THOC7: variants seen among roughly 807,000 people sequenced by gnomAD.
THOC7 encodes NIF3L1-binding protein 1.
A neutral mutation model predicts 33.1 loss-of-function variants in THOC7; 22 were observed. That is an observed-to-expected ratio of 0.66 (90% CI 0.47 to 0.95). The LOEUF (loss-of-function observed/expected upper bound fraction) is 0.95, where lower values mean the gene tolerates loss of function less well. Among genes scored for constraint, THOC7 ranks in the 40% least tolerant of loss-of-function variants. THOC7 has a pLI of 0.00. For synonymous variants in THOC7, 77 were observed against 76.8 expected (o/e 1.00, Z -0.01); for missense variants, 184 against 245.3 (o/e 0.75, Z 1.67).
intron 1 of THOC7, among the ~76,000 whole-genome samples, chr3:63,849,244 C>T (rs577982422): frequency 2.6e-5 from 4 of 152,162 alleles, no homozygotes; most frequent in South Asian, 2.1e-4. Context: ...ATAAATTGGC[C>T]GAGTGTGGTG....
At chr3:63,863,524 C>A in intron 1 of THOC7, 1 of 1,192,190 alleles carries the variant, frequency 8.4e-7, no homozygotes, top group Non-Finnish European at 1.0e-6. Context: ...CGCGCTGCCT[C>A]CGGGAGAGCG....
intron 4 of THOC7, among the ~76,000 whole-genome samples, chr3:63,836,632 A>G (rs1373535281): frequency 6.6e-6 from 1 of 152,006 alleles, no homozygotes; most frequent in African/African-American, 2.4e-5. Context: ...AGCATAAGCA[A>G]ATTTAAGTTA....
At chr3:63,851,796 C>T (rs1575812936) in intron 1 of THOC7, among the ~76,000 whole-genome samples, 1 of 152,206 alleles carries the variant, frequency 6.6e-6, no homozygotes, top group Non-Finnish European at 1.5e-5. Flanking sequence ...CCAGCCTCTG[C>T]TCCTCGGCTT....
At chr3:63,859,789 T>C (rs978381614) in intron 1 of THOC7, among the ~76,000 whole-genome samples, 1 of 152,178 alleles carries the variant, frequency 6.6e-6, no homozygotes, top group Non-Finnish European at 1.5e-5. Flanking sequence ...CACATACCAC[T>C]CATTTCAGCT....
chr3:63,838,320 C>T, intron 3 of THOC7, 52 bp downstream of exon 3: 2 of 1,271,856 alleles, frequency 1.6e-6, no homozygotes, highest in African/African-American at 1.5e-5. Context: ...GGTATTGTTT[C>T]CTTTAGACCA....
chr3:63,854,003 T>C (rs1034615387), intron 1 of THOC7, among the ~76,000 whole-genome samples: 2 of 152,212 alleles, frequency 1.3e-5, no homozygotes, highest in Non-Finnish European at 2.9e-5. Flanking sequence ...TCTATGTAGA[T>C]ACATATTAGG....
chr3:63,842,559 G>A (rs1012385300), intron 1 of THOC7, among the ~76,000 whole-genome samples: 4 of 152,154 alleles, frequency 2.6e-5, no homozygotes, highest in African/African-American at 9.7e-5. Flanking sequence ...CAACCTGGAT[G>A]GAGCTGGAGG....
chr3:63,839,225 G>A lies in THOC7; in HGVS notation c.137+431C>T, dbSNP rs924847624. Among the ~76,000 whole-genome samples the A allele has an allele frequency of 3.3e-5, 5 of 152,100 alleles. No individual in the cohort carries two copies. In the East Asian group the frequency reaches 9.6e-4, roughly 29 times the overall value. Reference sequence around the variant, plus strand: ...AGATTAGATATACGTGTGTGCGTGTGTATCAGGTTGGTACAAAAGTAATCG... The same window carrying A: ...AGATTAGATATACGTGTGTGCGTGTATATCAGGTTGGTACAAAAGTAATCG... On this transcript the variant is annotated intron_variant, in intron 2 of 7. Transcript: ENST00000295899.
intron 1 of THOC7, among the ~76,000 whole-genome samples, chr3:63,862,403 T>A (rs561968136): frequency 6.6e-6 from 1 of 152,214 alleles, no homozygotes; most frequent in South Asian, 2.1e-4. Context: ...GTGGTAATAT[T>A]TGTCACTCTT....
intron 1 of THOC7, chr3:63,863,462 C>T: frequency 8.7e-7 from 1 of 1,153,344 alleles, no homozygotes; most frequent in Admixed American, 4.8e-5. Context: ...GTCTCGGCCA[C>T]CCACGTGTGT....
chr3:63,834,098 C>T lies in THOC7; in HGVS notation c.*34G>A. 6.2e-7 allele frequency: 1 copy of T among 1,609,734 alleles called. No individual in the cohort carries two copies. Among genetic ancestry groups the T allele is most frequent in the Non-Finnish European group, 8.5e-7 (1 of 1,176,724 alleles). ...ACACATTATGGTCATGTAGCTATTT[C>T]AATATTCCTGGGAGTGGTGGGCAAT... On this transcript the variant is annotated 3_prime_UTR_variant, in exon 8 of 8. Transcript: ENST00000295899.
chr3:63,863,773 G>A lies in THOC7; in HGVS notation c.18C>T (p.Asp6=), dbSNP rs1213290117. The change falls in exon 1 of 8, where the codon GAC becomes GAT. Residue 6 remains aspartate (D), a splice_region_variant and synonymous_variant. Coordinates refer to ENST00000295899, the MANE Select transcript of THOC7 (RefSeq NM_025075.4). ...GTGTGGCGGCGAGCGGGGCCTCACCGTCAGTCACGGCTCCCATGGCGTGCG... is the reference window on the plus strand; with the variant it reads ...GTGTGGCGGCGAGCGGGGCCTCACCATCAGTCACGGCTCCCATGGCGTGCG... MGAVT[D]DEVIRKRLLI... 27 of 1,252,212 alleles carry A rather than the reference G, an allele frequency of 2.2e-5. No individual in the cohort carries two copies. The highest frequency in any genetic ancestry group is 2.7e-5 in the Non-Finnish European group (27 of 1,006,128). 77.6% of individuals were successfully genotyped at this position (1,252,212 alleles called of 1,614,324 possible). A position where few individuals can be genotyped will look rare whatever the true frequency, so the allele number is the denominator to read the frequency against.
intron 1 of THOC7, among the ~76,000 whole-genome samples, chr3:63,849,037 CAG>C (rs1248623983): frequency 6.6e-6 from 1 of 152,170 alleles, no homozygotes; most frequent in Admixed American, 6.5e-5. Flanking sequence ...CAATTGGAAA[CAG>C]TGGTTATATT....
chr3:63,835,424 A>C, intron 5 of THOC7, 34 bp from the exon 6 acceptor site: 1 of 1,598,334 alleles, frequency 6.3e-7, no homozygotes, highest in Non-Finnish European at 8.6e-7. Context: ...CATTTTGCTG[A>C]ATGGGGGAGA....
intron 1 of THOC7, among the ~76,000 whole-genome samples, chr3:63,862,852 C>A (rs1224235636): frequency 6.6e-6 from 1 of 152,156 alleles, no homozygotes; most frequent in Non-Finnish European, 1.5e-5. Context: ...AGTTGCCAAT[C>A]ATGCCCCTTC....
Position 63,863,770 on chromosome 3 carries a change from A to G in THOC7, c.19+2T>C. 1 of 1,251,482 alleles carries G rather than the reference A, an allele frequency of 8.0e-7. No individual in the cohort carries two copies. Among genetic ancestry groups the G allele is most frequent in the Non-Finnish European group, 9.9e-7 (1 of 1,005,524 alleles). 77.5% of individuals were successfully genotyped at this position (1,251,482 alleles called of 1,614,324 possible). A position where few individuals can be genotyped will look rare whatever the true frequency, so the allele number is the denominator to read the frequency against. ...CGCGTGTGGCGGCGAGCGGGGCCTC[A>G]CCGTCAGTCACGGCTCCCATGGCGT... is the stretch of plus-strand genomic sequence containing the variant. On this transcript the variant is annotated splice_donor_variant, in intron 1 of 7. Coordinates refer to ENST00000295899, the MANE Select transcript of THOC7 (RefSeq NM_025075.4). LOFTEE classifies it high-confidence loss of function.
Position 63,838,028 on chromosome 3 carries a change from A to G in THOC7, c.300T>C (p.Ala100=). The G allele has an allele frequency of 1.2e-6, 2 of 1,609,740 alleles. No individual in the cohort carries two copies. The highest frequency in any genetic ancestry group is 1.3e-5 in the African/African-American group (1 of 74,804). ...CTTGAAGAATTTGCTTTTTGCACTC[A>G]GCAATTTTTTCATGTGCTCCAGCTA... ...CSIAGAHEKI[A]ECKKQILQAK... Residue 100 remains alanine (A), a synonymous_variant, in exon 4 of 8, where the codon GCT becomes GCC. Coordinates refer to ENST00000295899, the MANE Select transcript of THOC7 (RefSeq NM_025075.4).
At chr3:63,860,292 G>A (rs1702184980) in intron 1 of THOC7, among the ~76,000 whole-genome samples, 1 of 152,154 alleles carries the variant, frequency 6.6e-6, no homozygotes, top group Non-Finnish European at 1.5e-5. Flanking sequence ...TGATCCTCCT[G>A]CCTTAGCATC....
rs371275122 is a variant in THOC7 at position 63,834,919 on chromosome 3, A to G, written c.547+235T>C. Among the ~76,000 whole-genome samples, 130 of 152,248 alleles carry G rather than the reference A, an allele frequency of 8.5e-4. 2 individuals carry two copies. In the South Asian group the frequency reaches 0.024, roughly 29 times the overall value. On this transcript the variant is annotated intron_variant, in intron 7 of 7. Coordinates refer to ENST00000295899, the MANE Select transcript of THOC7 (RefSeq NM_025075.4). ...AAAGATTCCAAATCTATCATCCTTG[A>G]ATTTTTCTTAATTTAAACCACTATG...
Sources: allele counts gnomAD v4.1 joint callset (sites outside exome capture counted in the v4.1 genomes callset), GRCh38; gene constraint gnomAD v4.1.1; transcripts MANE v1.5; gene names NCBI Gene and HGNC (gene_info 2026-07-23, HGNC 2026-07-21).